The following FANCC variants were observed in gnomAD, a reference collection of about 807,000 sequenced individuals.
FANCC encodes FA complementation group C.
FANCC carries 55 observed loss-of-function variants against 71.3 expected under a neutral mutation model. The ratio of observed to expected loss-of-function variants is 0.77; its 90% CI spans 0.62 to 0.97. The LOEUF (loss-of-function observed/expected upper bound fraction) is 0.97. FANCC is among the 50% of genes least tolerant of loss of function. The pLI is 0.00. For synonymous variants in FANCC, 275 were observed against 244.9 expected (o/e 1.12, Z -1.15); for missense variants, 678 against 670.9 (o/e 1.01, Z -0.12).
chr9:95,230,309 G>T (rs1362448758), intron 4 of FANCC, among the ~76,000 whole-genome samples: 5 of 152,126 alleles, frequency 3.3e-5, no homozygotes, highest in Non-Finnish European at 7.4e-5. Context: ...ACCAGTGAGT[G>T]GTTTCGAGAG....
At chr9:95,120,546 C>T (rs935541167) in intron 10 of FANCC, among the ~76,000 whole-genome samples, 4 of 151,922 alleles carry the variant, frequency 2.6e-5, no homozygotes, top group Admixed American at 6.6e-5. Flanking sequence ...CCCGAGTAGC[C>T]GGGACTACAG....
In FANCC at chr9:95,153,715, C is replaced by T. The variant is rs141920379; in HGVS notation, c.522-3628G>A. On this transcript the variant is annotated intron_variant, in intron 6 of 14. Transcript: ENST00000289081. The stretch of plus-strand genomic sequence containing the variant: ...TTCCTTGTAGATTCTGAATACTAGT[C>T]CTTTGTCAGATGCATAGTTTGCAAT... Among the ~76,000 whole-genome samples, 127 of 152,158 alleles carry T rather than the reference C, an allele frequency of 8.3e-4. 1 individual carries two copies. The highest frequency in any genetic ancestry group is 1.7e-3 in the Non-Finnish European group (113 of 67,998).
chr9:95,224,838 A>G (rs1005059617), intron 4 of FANCC, among the ~76,000 whole-genome samples: 1 of 152,156 alleles, frequency 6.6e-6, no homozygotes, highest in Non-Finnish European at 1.5e-5. Context: ...TTGTAGTTTC[A>G]GCTGAACTAC....
intron 1 of FANCC, among the ~76,000 whole-genome samples, chr9:95,291,947 CAAAAA>C (rs775436297): frequency 2.4e-5 from 1 of 40,820 alleles, no homozygotes; most frequent in African/African-American, 1.0e-4. Flanking sequence ...GACTCTGTCT[CAAAAA>C]AAAAAAAAAA....
intron 6 of FANCC, among the ~76,000 whole-genome samples, chr9:95,164,977 G>A (rs1166831876): frequency 6.6e-6 from 1 of 151,968 alleles, no homozygotes; most frequent in Non-Finnish European, 1.5e-5. Flanking sequence ...TTGTAGGTCT[G>A]TTCAGATGTT....
In FANCC at chr9:95,107,051, C is replaced by G; in HGVS notation, c.1533+15G>C. 8.1e-6 allele frequency: 13 copies of G among 1,613,970 alleles called. No homozygotes were observed. The highest frequency in any genetic ancestry group is 1.1e-5 in the Non-Finnish European group (13 of 1,179,886). On this transcript the variant is annotated intron_variant, in intron 14 of 14. Coordinates refer to ENST00000289081, the MANE Select transcript of FANCC (RefSeq NM_000136.3). ...AGAAATGAGTACTAGGATGCTGGAC[C>G]ACAGGGAGACTTACCAGGGTGATGA...
chr9:95,157,673 G>GT (rs1292272824), intron 6 of FANCC, among the ~76,000 whole-genome samples: 5 of 152,226 alleles, frequency 3.3e-5, no homozygotes, highest in African/African-American at 1.2e-4. Context: ...AAAGTGTTGC[G>GT]TAACTCTCCA....
chr9:95,132,158 C>T (rs1337562735), intron 8 of FANCC, among the ~76,000 whole-genome samples: 1 of 152,150 alleles, frequency 6.6e-6, no homozygotes, highest in East Asian at 1.9e-4. Context: ...CAGCTGCGGG[C>T]GGGCTCTGCC....
chr9:95,121,380 A>ATGAT (rs1222361328), intron 10 of FANCC, among the ~76,000 whole-genome samples: 3 of 152,212 alleles, frequency 2.0e-5, no homozygotes, highest in African/African-American at 7.2e-5. Flanking sequence ...AGTGCTTCTG[A>ATGAT]TGATAGGAGA....
chr9:95,258,858 C>G (rs1311114521), intron 1 of FANCC, among the ~76,000 whole-genome samples: 1 of 152,158 alleles, frequency 6.6e-6, no homozygotes, highest in African/African-American at 2.4e-5. Flanking sequence ...GATACAAAAT[C>G]AATGTGCAAA....
chr9:95,246,390 C>T (rs1334170894), intron 3 of FANCC, among the ~76,000 whole-genome samples: 2 of 152,298 alleles, frequency 1.3e-5, no homozygotes, highest in Non-Finnish European at 2.9e-5. Flanking sequence ...ATTATGACAA[C>T]CTATAAATGG....
intron 4 of FANCC, among the ~76,000 whole-genome samples, chr9:95,217,208 G>A (rs950240084): frequency 1.3e-5 from 2 of 152,086 alleles, no homozygotes; most frequent in East Asian, 1.9e-4. Flanking sequence ...TTTCTAGGCC[G>A]GGCCTGGGGG....
chr9:95,213,256 C>A (rs1339260192), intron 4 of FANCC, among the ~76,000 whole-genome samples: 1 of 151,740 alleles, frequency 6.6e-6, no homozygotes, highest in Non-Finnish European at 1.5e-5. Context: ...CCTAGAGCAG[C>A]CAGTAAGAGA....
chr9:95,216,427 TAGAC>T (rs1828866098), intron 4 of FANCC, among the ~76,000 whole-genome samples: 1 of 152,166 alleles, frequency 6.6e-6, no homozygotes, highest in Admixed American at 6.5e-5. Flanking sequence ...TTGATAAAAA[TAGAC>T]AGAAAATCAG....
At position 95,150,024 on chromosome 9, in the gene FANCC, A is replaced by C. The variant is rs2135427899; in HGVS notation, c.585T>G (p.Asp195Glu). 2.5e-6 allele frequency: 4 copies of C among 1,614,146 alleles called. No homozygotes were observed. Among genetic ancestry groups the C allele is most frequent in the Non-Finnish European group, 3.4e-6 (4 of 1,180,014 alleles). Reference sequence around the variant, plus strand: ...GGAGAGCCTCCACCAGGGGGTCAACATCTGTCAGGGTAATAAGTGGGACAC... The same window carrying C: ...GGAGAGCCTCCACCAGGGGGTCAACCTCTGTCAGGGTAATAAGTGGGACAC... ...RVCVPLITLT[D>E]VDPLVEALLI... is the part of the protein sequence containing the mutation. Residue 195 changes from aspartate to glutamate, a missense_variant, in exon 7 of 15, where the codon GAT becomes GAG. Coordinates refer to ENST00000289081, the MANE Select transcript of FANCC (RefSeq NM_000136.3).
chr9:95,274,816 G>A lies in FANCC; in HGVS notation c.-78-25447C>T, dbSNP rs574787047. On this transcript the variant is annotated intron_variant, in intron 1 of 14. Transcript: ENST00000289081. ...AATGAAATGGACTGATACACAGTAT[G>A]GGCACTGACTTGCCATTATTTGGGG... Among the ~76,000 whole-genome samples, 7 of 152,224 alleles carry A rather than the reference G, an allele frequency of 4.6e-5. No individual in the cohort carries two copies. In the South Asian group the frequency reaches 1.0e-3, roughly 23 times the overall value.
intron 4 of FANCC, among the ~76,000 whole-genome samples, chr9:95,188,744 T>G (rs1190267110): frequency 6.6e-6 from 1 of 152,158 alleles, no homozygotes; most frequent in Admixed American, 6.5e-5. Context: ...TCCTGTTCTC[T>G]CGCATTTTTA....
At chr9:95,278,181 T>C (rs955371441) in intron 1 of FANCC, among the ~76,000 whole-genome samples, 1 of 152,154 alleles carries the variant, frequency 6.6e-6, no homozygotes, top group Admixed American at 6.5e-5. Context: ...AATTAAAACA[T>C]TGTTGAATTC....
chr9:95,112,581 G>C lies in FANCC; in HGVS notation c.1155-944C>G, dbSNP rs565524327. 4.6e-5 allele frequency among the ~76,000 whole-genome samples: 7 copies of C among 152,366 alleles called. No individual in the cohort carries two copies. In the South Asian group the frequency reaches 1.2e-3, roughly 27 times the overall value. ...TGGAGGCCACGTTGGCTGTGGGCTG[G>C]GTTAGGCTGTACCAGAGTGAGGAGG... is the stretch of plus-strand genomic sequence containing the variant. On this transcript the variant is annotated intron_variant, in intron 12 of 14. Coordinates refer to ENST00000289081, the MANE Select transcript of FANCC (RefSeq NM_000136.3).
Sources: gnomAD v4.1 joint callset for allele counts (sites outside exome capture counted in the v4.1 genomes callset) on GRCh38, gnomAD v4.1.1 for gene constraint, MANE v1.5 for transcripts, NCBI Gene and HGNC (gene_info 2026-07-23, HGNC 2026-07-21) for gene names.